The following MMP16 variants were observed in gnomAD, a reference collection of about 807,000 sequenced individuals.
The protein encoded by MMP16 is matrix metallopeptidase 16.
Under a neutral mutation model 67.8 loss-of-function variants are expected in MMP16, and 12 were observed. The observed-to-expected ratio is 0.18, with a 90% CI of 0.11 to 0.29. MMP16 has a LOEUF of 0.29. Among genes scored for constraint, MMP16 ranks in the 10% least tolerant of loss-of-function variants. The pLI is 1.00. For synonymous variants in MMP16, 249 were observed against 255.9 expected (o/e 0.97, Z 0.26); for missense variants, 475 against 765.7 (o/e 0.62, Z 4.48).
chr8:88,290,198 A>G (rs1227693869), intron 1 of MMP16, among the ~76,000 whole-genome samples: 1 of 152,194 alleles, frequency 6.6e-6, no homozygotes, highest in African/African-American at 2.4e-5. Flanking sequence ...GGATAAGTTC[A>G]TGTCCCCCTA....
chr8:88,157,454 T>C (rs1444901422), intron 4 of MMP16, among the ~76,000 whole-genome samples: 2 of 151,886 alleles, frequency 1.3e-5, no homozygotes, highest in Non-Finnish European at 2.9e-5. Flanking sequence ...TACCAGGGGA[T>C]GGCATATAAA....
intron 4 of MMP16, among the ~76,000 whole-genome samples, chr8:88,162,519 G>C (rs1586183620): frequency 6.6e-6 from 1 of 152,006 alleles, no homozygotes; most frequent in Admixed American, 6.6e-5. Flanking sequence ...GTCCTTGACT[G>C]TCCATATCAA....
rs187000138 is a variant in MMP16, at chr8:88,052,133, A to C, written c.1373+3995T>G. Among the ~76,000 whole-genome samples the C allele has an allele frequency of 1.1e-4, 16 of 152,260 alleles. No homozygotes were observed. The East Asian group carries it at 2.5e-3, about 24-fold the overall frequency. On this transcript the variant is annotated intron_variant, in intron 8 of 9. Coordinates refer to ENST00000286614, the MANE Select transcript of MMP16 (RefSeq NM_005941.5). ...AACTCTGAGATCTGTGCCTCCAACT[A>C]AACTTTCCATTAAGATGCAAACTCA...
chr8:88,324,235 C>T (rs1305402487), intron 1 of MMP16, among the ~76,000 whole-genome samples: 3 of 152,108 alleles, frequency 2.0e-5, no homozygotes, highest in African/African-American at 4.8e-5. Flanking sequence ...AAACCAAATG[C>T]ACTCTCTTTC....
At chr8:88,157,144 G>T (rs117708709) in intron 4 of MMP16, among the ~76,000 whole-genome samples, 1 of 152,004 alleles carries the variant, frequency 6.6e-6, no homozygotes, top group Non-Finnish European at 1.5e-5. Context: ...CATGGCTTTT[G>T]CATCTATGCA....
chr8:88,315,729 G>A (rs564642566), intron 1 of MMP16, among the ~76,000 whole-genome samples: 2 of 152,122 alleles, frequency 1.3e-5, no homozygotes, highest in Middle Eastern at 3.4e-3. Flanking sequence ...ATTCTACAAC[G>A]GCCTATAAAT....
chr8:88,245,170 G>A (rs543316154), intron 1 of MMP16, among the ~76,000 whole-genome samples: 2 of 152,064 alleles, frequency 1.3e-5, no homozygotes, highest in African/African-American at 4.8e-5. Context: ...CTCAATACGC[G>A]AATATTGGAA....
chr8:88,140,732 C>T (rs1808199253), intron 4 of MMP16, among the ~76,000 whole-genome samples: 1 of 151,958 alleles, frequency 6.6e-6, no homozygotes, highest in African/African-American at 2.4e-5. Flanking sequence ...TATTTCATAA[C>T]ATTTTGATTA....
At chr8:88,180,382 T>C (rs1394267057) in intron 3 of MMP16, among the ~76,000 whole-genome samples, 3 of 151,818 alleles carry the variant, frequency 2.0e-5, no homozygotes, top group South Asian at 2.1e-4. Flanking sequence ...CTGCTATATG[T>C]TTCCTGCAAG....
intron 6 of MMP16, among the ~76,000 whole-genome samples, chr8:88,077,700 G>A (rs556345654): frequency 6.6e-6 from 1 of 152,270 alleles, no homozygotes; most frequent in Admixed American, 6.5e-5. Context: ...CAAAGTAAAA[G>A]TAATGATCCT....
At chr8:88,167,996 A>G (rs1808740587) in intron 3 of MMP16, 23 bp from the exon 4 acceptor site, 1 of 1,566,772 alleles carries the variant, frequency 6.4e-7, no homozygotes, top group African/African-American at 1.4e-5. Flanking sequence ...AAATATAATC[A>G]TCAGTATTGT....
intron 1 of MMP16, among the ~76,000 whole-genome samples, chr8:88,312,338 G>A (rs1183913972): frequency 1.3e-5 from 2 of 152,116 alleles, no homozygotes; most frequent in African/African-American, 2.4e-5. Flanking sequence ...ATAGAAGACT[G>A]AAACCTATTC....
chr8:88,326,438 C>G (rs1328769465), intron 1 of MMP16, among the ~76,000 whole-genome samples: 1 of 151,616 alleles, frequency 6.6e-6, no homozygotes, highest in East Asian at 1.9e-4. Flanking sequence ...CATTGGGCCA[C>G]GTTTATTTTC....
chr8:88,241,304 A>AT (rs997327646), intron 1 of MMP16, among the ~76,000 whole-genome samples: 2 of 152,120 alleles, frequency 1.3e-5, no homozygotes, highest in African/African-American at 4.8e-5. Flanking sequence ...AAATTTTTAA[A>AT]TACCTCTATG....
At chr8:88,072,647 C>A (rs973269171) in intron 7 of MMP16, among the ~76,000 whole-genome samples, 11 of 152,092 alleles carry the variant, frequency 7.2e-5, no homozygotes, top group Admixed American at 7.2e-4. Flanking sequence ...AAACACCATA[C>A]TGAGTCAAAT....
At chr8:88,131,153 A>G (rs1230623079) in intron 4 of MMP16, among the ~76,000 whole-genome samples, 2 of 151,722 alleles carry the variant, frequency 1.3e-5, no homozygotes, top group African/African-American at 4.8e-5. Flanking sequence ...TTAGAAATAA[A>G]GGCTTGGTGT....
intron 1 of MMP16, among the ~76,000 whole-genome samples, chr8:88,255,002 C>T (rs1810279732): frequency 6.6e-6 from 1 of 152,084 alleles, no homozygotes; most frequent in Admixed American, 6.6e-5. Flanking sequence ...TATTGTGAAT[C>T]AAATTATTAT....
At chr8:88,157,230 T>C (rs141523276) in intron 4 of MMP16, among the ~76,000 whole-genome samples, 1 of 151,976 alleles carries the variant, frequency 6.6e-6, no homozygotes, top group Admixed American at 6.6e-5. Flanking sequence ...GTACAGACTC[T>C]TTAACTCTTG....
chr8:88,055,174 T>C (rs1808315618), intron 8 of MMP16, among the ~76,000 whole-genome samples: 1 of 152,154 alleles, frequency 6.6e-6, no homozygotes, highest in Non-Finnish European at 1.5e-5. Flanking sequence ...GCTAGGGCTA[T>C]ATCTGCCTAA....
Sources: allele counts gnomAD v4.1 joint callset (sites outside exome capture counted in the v4.1 genomes callset), GRCh38; gene constraint gnomAD v4.1.1; transcripts MANE v1.5; gene names NCBI Gene and HGNC (gene_info 2026-07-23, HGNC 2026-07-21).